Variants in SCG3 observed in about 807,000 individuals in gnomAD.
The protein encoded by SCG3 is secretogranin III.
SCG3 carries 38 observed loss-of-function variants against 56.2 expected under a neutral mutation model. The observed-to-expected ratio is 0.68, with a 90% CI of 0.52 to 0.89. The LOEUF (loss-of-function observed/expected upper bound fraction) is 0.89. Among genes scored for constraint, SCG3 ranks in the 40% least tolerant of loss-of-function variants. The pLI is 0.00. For missense variants in SCG3, 524 were observed against 540.7 expected (o/e 0.97, Z 0.31); for synonymous variants, 176 against 184.2 (o/e 0.96, Z 0.36).
chr15:51,712,193 G>A (rs2055425093), intron 10 of SCG3, among the ~76,000 whole-genome samples: 1 of 152,172 alleles, frequency 6.6e-6, no homozygotes, highest in East Asian at 1.9e-4. Flanking sequence ...GCAGTCCCCA[G>A]TACATGATAA....
At chr15:51,690,903 T>A (rs943623447) in intron 6 of SCG3, among the ~76,000 whole-genome samples, 9 of 152,208 alleles carry the variant, frequency 5.9e-5, no homozygotes, top group African/African-American at 1.9e-4. Flanking sequence ...CATGCCTATT[T>A]AAAAAGACAT....
chr15:51,719,390 T>G lies in SCG3; in HGVS notation c.1289-18T>G. On this transcript the variant is annotated intron_variant, in intron 11 of 11. Transcript: ENST00000220478. The stretch of plus-strand genomic sequence containing the variant: ...CTTTCCTGATCTTTGCTCATTATGC[T>G]CTAATAATATTTTCCAGATTATGAC... 6.4e-7 allele frequency: 1 copy of G among 1,570,058 alleles called. No individual in the cohort carries two copies. Among genetic ancestry groups the G allele is most frequent in the South Asian group, 1.1e-5 (1 of 89,676 alleles).
In SCG3 at chr15:51,692,342, C is replaced by A; in HGVS notation, c.868+6C>A. The A allele has an allele frequency of 6.2e-7, 1 of 1,611,218 alleles. No individual in the cohort carries two copies. The highest frequency in any genetic ancestry group is 1.1e-5 in the South Asian group (1 of 90,618). On this transcript the variant is annotated splice_donor_region_variant and intron_variant, in intron 7 of 11. Transcript: ENST00000220478. ...ACTGAAAAGTATTGATTCAGGTAACCACTGTGTGGTTGTGATTATGTGGAA... is the reference window on the plus strand; with the variant it reads ...ACTGAAAAGTATTGATTCAGGTAACAACTGTGTGGTTGTGATTATGTGGAA...
chr15:51,715,755 G>A (rs532363810), intron 11 of SCG3, among the ~76,000 whole-genome samples: 23 of 152,144 alleles, frequency 1.5e-4, no homozygotes, highest in African/African-American at 1.2e-4. Flanking sequence ...AGTAATAGCC[G>A]TGTCATAAAG....
At chr15:51,703,678 C>A (rs2055352477) in intron 10 of SCG3, among the ~76,000 whole-genome samples, 1 of 152,166 alleles carries the variant, frequency 6.6e-6, no homozygotes, top group African/African-American at 2.4e-5. Flanking sequence ...GAATTAGACA[C>A]CCAAACCTGG....
intron 10 of SCG3, among the ~76,000 whole-genome samples, chr15:51,703,237 AC>A (rs1339592662): frequency 6.6e-6 from 1 of 152,164 alleles, no homozygotes; most frequent in East Asian, 1.9e-4. Flanking sequence ...AAGGTTCCCC[AC>A]CCAGTATCTC....
chr15:51,683,398 G>T lies in SCG3; in HGVS notation c.361G>T (p.Asp121Tyr). Reference protein sequence around the residue: ...TKNRKLIDDYDSTKSGLDHKF... With the variant: ...TKNRKLIDDYYSTKSGLDHKF... ...GAATCGAAAACTGATCGATGATTAT[G>T]ACTCTACTAAGAGTGGATTGGATCA... The change falls in exon 4 of 12, where the codon GAC becomes TAC. Residue 121 changes from aspartate (D) to tyrosine (Y), a missense_variant. Transcript: ENST00000220478. The T allele has an allele frequency of 1.9e-6, 3 of 1,613,434 alleles. No homozygotes were observed. The South Asian group carries it at 3.3e-5, about 18-fold the overall frequency.
intron 10 of SCG3, among the ~76,000 whole-genome samples, chr15:51,704,268 T>TGTGTGTATACATAC (rs2055358873): frequency 7.5e-6 from 1 of 133,178 alleles, no homozygotes; most frequent in Admixed American, 7.9e-5. Flanking sequence ...TATATATATA[T>TGTGTGTATACATAC]ATATATATAT....
intron 7 of SCG3, chr15:51,693,583 A>G (rs2055282532): frequency 6.6e-6 from 1 of 152,226 alleles, no homozygotes; most frequent in South Asian, 2.1e-4. Context: ...TTATTGTTCA[A>G]ACAGATGCTC....
At chr15:51,703,341 C>T (rs1167098208) in intron 10 of SCG3, among the ~76,000 whole-genome samples, 2 of 152,168 alleles carry the variant, frequency 1.3e-5, no homozygotes, top group Admixed American at 6.5e-5. Context: ...AAACTAGCTA[C>T]GTATTTAATA....
intron 8 of SCG3, among the ~76,000 whole-genome samples, chr15:51,697,289 T>C (rs2055310140): frequency 6.9e-6 from 1 of 144,598 alleles, no homozygotes; most frequent in Non-Finnish European, 1.5e-5. Flanking sequence ...ATAACTTTCA[T>C]ATCAACACCC....
chr15:51,713,946 T>C (rs1595841988), intron 11 of SCG3, among the ~76,000 whole-genome samples: 1 of 152,286 alleles, frequency 6.6e-6, no homozygotes, highest in South Asian at 2.1e-4. Flanking sequence ...CATGGATAGG[T>C]GTGTTACTGC....
intron 10 of SCG3, among the ~76,000 whole-genome samples, chr15:51,701,923 C>T (rs889823205): frequency 1.3e-5 from 2 of 151,406 alleles, no homozygotes; most frequent in African/African-American, 4.9e-5. Context: ...CATCACACAC[C>T]GGGGCCTGTC....
chr15:51,702,429 GTAT>G (rs1287903171), intron 10 of SCG3, among the ~76,000 whole-genome samples: 1 of 151,906 alleles, frequency 6.6e-6, no homozygotes, highest in Non-Finnish European at 1.5e-5. Flanking sequence ...CTAATTTTTT[GTAT>G]TTTTCATAGA....
At position 51,692,321 on chromosome 15, in the gene SCG3, A is replaced by G; in HGVS notation, c.853A>G (p.Lys285Glu). ...QYFPNFYALL[K>E]SIDSEKEAKE... Reference sequence around the variant, plus strand: ...TTTCCCAAATTTCTATGCGCTACTGAAAAGTATTGATTCAGGTAACCACTG... The same window carrying G: ...TTTCCCAAATTTCTATGCGCTACTGGAAAGTATTGATTCAGGTAACCACTG... Residue 285 changes from lysine (K) to glutamate (E), a missense_variant, in exon 7 of 12, where the codon AAA becomes GAA. By Grantham distance (56) the Lys-to-Glu change is moderately conservative (BLOSUM62 1). Coordinates refer to ENST00000220478, the MANE Select transcript of SCG3 (RefSeq NM_013243.4). 6.2e-7 allele frequency: 1 copy of G among 1,613,508 alleles called. No individual in the cohort carries two copies. The highest frequency in any genetic ancestry group is 8.5e-7 in the Non-Finnish European group (1 of 1,179,732).
chr15:51,696,302 C>A (rs868447608), intron 8 of SCG3, among the ~76,000 whole-genome samples: 1 of 152,266 alleles, frequency 6.6e-6, no homozygotes, highest in African/African-American at 2.4e-5. Context: ...GTAATCCCAG[C>A]ACTTTGGGAA....
At chr15:51,686,891 G>T (rs753772779) in intron 4 of SCG3, among the ~76,000 whole-genome samples, 1 of 152,066 alleles carries the variant, frequency 6.6e-6, no homozygotes, top group Non-Finnish European at 1.5e-5. Context: ...ACAAGAAAGA[G>T]ATATTCTGCC....
intron 10 of SCG3, among the ~76,000 whole-genome samples, chr15:51,709,760 G>A (rs1345595105): frequency 2.8e-5 from 3 of 106,990 alleles, no homozygotes; most frequent in East Asian, 3.0e-4. Context: ...TCGCTCTGTC[G>A]CCCAGGCTGG....
chr15:51,691,707 T>G (rs1238414966), intron 6 of SCG3, among the ~76,000 whole-genome samples: 2 of 152,126 alleles, frequency 1.3e-5, no homozygotes, highest in Admixed American at 1.3e-4. Flanking sequence ...CACTTAAACT[T>G]TACCCAAAAA....
Sources: gnomAD v4.1 joint callset for allele counts (sites outside exome capture counted in the v4.1 genomes callset) on GRCh38, gnomAD v4.1.1 for gene constraint, MANE v1.5 for transcripts, NCBI Gene and HGNC (gene_info 2026-07-23, HGNC 2026-07-21) for gene names.